The following CIMIP5 variants were observed in gnomAD, a reference collection of about 807,000 sequenced individuals.
The protein encoded by CIMIP5 is uncharacterized protein C2orf50.
chr2:11,140,534 A>G, the CIMIP5 span: 1 of 1,575,118 alleles, frequency 6.3e-7, no homozygotes, highest in Non-Finnish European at 8.7e-7. Flanking sequence ...GTTTCCTGAA[A>G]GACTATGACC....
the CIMIP5 span, among the ~76,000 whole-genome samples, chr2:11,150,050 G>A: frequency 1.3e-5 from 2 of 152,054 alleles, no homozygotes; most frequent in Non-Finnish European, 1.5e-5. Context: ...GGGTTCAAGC[G>A]ATTCTCCTGC....
the CIMIP5 span, chr2:11,144,694 G>C: frequency 6.6e-6 from 1 of 152,324 alleles, no homozygotes; most frequent in Admixed American, 6.5e-5. Context: ...AAGGCAGCCT[G>C]TATTCCTTAG....
At chr2:11,153,253 G>A in the CIMIP5 span, among the ~76,000 whole-genome samples, 44 of 152,300 alleles carry the variant, frequency 2.9e-4, no homozygotes, top group Non-Finnish European at 5.0e-4. Context: ...CAGAGCAGGC[G>A]GCTGCAGTGT....
At chr2:11,147,188 T>C in the CIMIP5 span, among the ~76,000 whole-genome samples, 1 of 152,172 alleles carries the variant, frequency 6.6e-6, no homozygotes, top group African/African-American at 2.4e-5. Context: ...TGTCACCATT[T>C]GAGAGGTTTG....
the CIMIP5 span, chr2:11,133,212 C>T: frequency 8.1e-7 from 1 of 1,242,198 alleles, no homozygotes; most frequent in Non-Finnish European, 1.1e-6. Flanking sequence ...GAGGACCCTG[C>T]CCAGGCTCTC....
At chr2:11,142,125 G>A in the CIMIP5 span, among the ~76,000 whole-genome samples, 1 of 152,054 alleles carries the variant, frequency 6.6e-6, no homozygotes, top group Admixed American at 6.6e-5. Flanking sequence ...AATTAGCCGG[G>A]TGTGCTGGTG....
At chr2:11,144,290 A>C in the CIMIP5 span, 1 of 452,400 alleles carries the variant, frequency 2.2e-6, no homozygotes, top group Non-Finnish European at 3.9e-6. Flanking sequence ...TTTACACGTA[A>C]GATTCAGAGG....
the CIMIP5 span, among the ~76,000 whole-genome samples, chr2:11,147,334 C>G: frequency 0.93 from 141,743 of 152,280 alleles, 66,056 homozygotes; most frequent in East Asian, 1. Context: ...TAAAATGGCG[C>G]GGGAGGGAAG....
the CIMIP5 span, among the ~76,000 whole-genome samples, chr2:11,153,782 G>C: frequency 6.6e-6 from 1 of 151,940 alleles, no homozygotes; most frequent in African/African-American, 2.4e-5. Flanking sequence ...AAATTAGCCG[G>C]GAGTGGTGGC....
chr2:11,140,441 C>G, the CIMIP5 span: 1 of 1,071,470 alleles, frequency 9.3e-7, no homozygotes, highest in Non-Finnish European at 1.4e-6. Context: ...ATTGACTTGA[C>G]ACAGTGAAAG....
At chr2:11,136,940 A>G in the CIMIP5 span, among the ~76,000 whole-genome samples, 2 of 152,234 alleles carry the variant, frequency 1.3e-5, no homozygotes, top group African/African-American at 4.8e-5. Context: ...CAGGGGCACA[A>G]GGAGGCATAA....
chr2:11,148,685 G>A, the CIMIP5 span, among the ~76,000 whole-genome samples: 1 of 150,092 alleles, frequency 6.7e-6, no homozygotes, highest in African/African-American at 2.5e-5. Context: ...AATAATCCAT[G>A]GGTTCATACC....
the CIMIP5 span, among the ~76,000 whole-genome samples, chr2:11,143,626 G>A: frequency 2.6e-5 from 4 of 151,962 alleles, no homozygotes; most frequent in East Asian, 3.9e-4. Flanking sequence ...TCTTAGTCCT[G>A]GGGATAGAAA....
the CIMIP5 span, chr2:11,133,407 C>G: frequency 1.2e-6 from 2 of 1,612,118 alleles, no homozygotes; most frequent in South Asian, 2.2e-5. Flanking sequence ...CACCAGGCCA[C>G]CAGCCTCGGT....
At chr2:11,140,216 A>T in the CIMIP5 span, among the ~76,000 whole-genome samples, 3 of 151,818 alleles carry the variant, frequency 2.0e-5, no homozygotes, top group Non-Finnish European at 4.4e-5. Flanking sequence ...TCTACTAAAA[A>T]TACAAAAAAT....
the CIMIP5 span, chr2:11,143,876 C>T: frequency 6.8e-7 from 1 of 1,475,194 alleles, no homozygotes; most frequent in South Asian, 1.5e-5. Context: ...TAAGGTCCTC[C>T]TTTTTCCACG....
chr2:11,133,161 C>G, the CIMIP5 span: 3 of 704,060 alleles, frequency 4.3e-6, no homozygotes, highest in African/African-American at 1.9e-5. Context: ...AGCCCTGTCC[C>G]CATCGGCCAC....
the CIMIP5 span, among the ~76,000 whole-genome samples, chr2:11,136,144 ATCTG>A: frequency 5.4e-4 from 82 of 152,246 alleles, no homozygotes; most frequent in African/African-American, 1.9e-3. Context: ...ATGTAATCCC[ATCTG>A]TCTATCTGCT....
At chr2:11,139,679 G>A in the CIMIP5 span, among the ~76,000 whole-genome samples, 1 of 152,326 alleles carries the variant, frequency 6.6e-6, no homozygotes, top group South Asian at 2.1e-4. Flanking sequence ...CCCCACCATA[G>A]TGACATCATA....
Sources: allele counts gnomAD v4.1 joint callset (sites outside exome capture counted in the v4.1 genomes callset), GRCh38; gene constraint gnomAD v4.1.1; transcripts MANE v1.5; gene names NCBI Gene and HGNC (gene_info 2026-07-23, HGNC 2026-07-21).